SOX5: variants seen among roughly 807,000 people sequenced by gnomAD.
SOX5 encodes transcription factor SOX-5.
A neutral mutation model predicts 92.0 loss-of-function variants in SOX5; 9 were observed. The ratio of observed to expected loss-of-function variants is 0.10; its 90% CI spans 0.06 to 0.17. SOX5 has a LOEUF of 0.17. SOX5 is among the 10% of genes least tolerant of loss of function. SOX5 has a pLI of 1.00. For missense variants in SOX5, 642 were observed against 944.5 expected, an observed-to-expected ratio of 0.68 and a Z score of 4.20; for synonymous variants, 344 against 336.3, an observed-to-expected ratio of 1.02 and a Z score of -0.25.
Position 23,970,841 on chromosome 12 carries a change from A to ATATATATATATATATATATATATTTT in SOX5, c.-1-74818_-1-74817insAAAATATATATATATATATATATATA. Among the ~76,000 whole-genome samples the ATATATATATATATATATATATATTTT allele has an allele frequency of 1.2e-3, 27 of 21,866 alleles. 5 individuals carry two copies. The highest frequency in any genetic ancestry group is 3.0e-3 in the African/African-American group (24 of 8,024). 14.3% of individuals were successfully genotyped at this position (21,866 alleles called of 152,430 possible). On this transcript the variant is annotated intron_variant, in intron 4 of 4. Coordinates refer to the SOX5 transcript ENST00000446891. ...ACATGGGACTTTATATATATATATA[A>ATATATATATATATATATATATATTTT]TTTTTTTTTTTTTTTAAGAAATGGG...
chr12:23,860,969 A>AAACAAAC (rs2096750478), intron 2 of SOX5, among the ~76,000 whole-genome samples: 3 of 150,462 alleles, frequency 2.0e-5, no homozygotes, highest in Admixed American at 6.6e-5. Flanking sequence ...AAAAAAAAAA[A>AAACAAAC]AAAAAAAAAC....
At chr12:23,729,266 A>C (rs899996169) in intron 6 of SOX5, among the ~76,000 whole-genome samples, 4 of 152,198 alleles carry the variant, frequency 2.6e-5, no homozygotes, top group African/African-American at 9.6e-5. Flanking sequence ...AAAGGGAGTA[A>C]ACCATCTTCT....
chr12:23,968,097 A>C (rs984750789), intron 4 of SOX5, among the ~76,000 whole-genome samples: 2 of 152,210 alleles, frequency 1.3e-5, no homozygotes. Context: ...TCAAATAAAT[A>C]GTTGATGCCA....
chr12:24,078,259 GGA>G (rs548176689), intron 4 of SOX5, among the ~76,000 whole-genome samples: 194 of 152,048 alleles, frequency 1.3e-3, no homozygotes, highest in Non-Finnish European at 2.4e-3. Flanking sequence ...ATGGAAGAGG[GGA>G]GAGAGAGAGA....
intron 1 of SOX5, among the ~76,000 whole-genome samples, chr12:24,424,932 C>G (rs184170500): frequency 1.3e-4 from 19 of 151,828 alleles, no homozygotes; most frequent in East Asian, 7.8e-4. Context: ...GTTTACCTGC[C>G]ATAGGCTTTT....
intron 8 of SOX5, among the ~76,000 whole-genome samples, chr12:23,608,121 A>G (rs946401032): frequency 4.8e-5 from 7 of 147,258 alleles, no homozygotes; most frequent in Admixed American, 4.0e-4. Flanking sequence ...AAAAGAAAAA[A>G]AAAAAAAAAA....
intron 3 of SOX5, among the ~76,000 whole-genome samples, chr12:23,792,280 A>C (rs2141983269): frequency 6.6e-6 from 1 of 152,156 alleles, no homozygotes; most frequent in African/African-American, 2.4e-5. Context: ...GAGGAAAAAT[A>C]GTAATGACCC....
intron 4 of SOX5, among the ~76,000 whole-genome samples, chr12:24,131,410 T>C (rs1251055110): frequency 1.3e-5 from 2 of 152,152 alleles, no homozygotes; most frequent in African/African-American, 4.8e-5. Context: ...GCAAGAGATA[T>C]TGAATGCATT....
At chr12:23,627,667 A>G (rs2078008240) in intron 8 of SOX5, among the ~76,000 whole-genome samples, 1 of 152,152 alleles carries the variant, frequency 6.6e-6, no homozygotes, top group South Asian at 2.1e-4. Flanking sequence ...AGACACTGAG[A>G]CTATGAGATA....
chr12:24,178,712 T>C lies in SOX5; in HGVS notation c.-2+34631A>G, dbSNP rs527502452. ...AAAAACCTTTTATAGAAAAGAAAGC[T>C]AAGTTGTCTGGCACCTGCTAAGTGC... On this transcript the variant is annotated intron_variant, in intron 4 of 4. Transcript: ENST00000446891. Among the ~76,000 whole-genome samples the C allele has an allele frequency of 2.0e-5, 3 of 152,340 alleles. No homozygotes were observed. In the South Asian group the frequency reaches 6.2e-4, roughly 32 times the overall value.
chr12:23,838,087 ATATT>A (rs1378688575), intron 3 of SOX5, among the ~76,000 whole-genome samples: 6 of 137,052 alleles, frequency 4.4e-5, no homozygotes, highest in African/African-American at 1.6e-4. Context: ...ATATTTATAT[ATATT>A]TATACTTATA....
At position 24,106,756 on chromosome 12, in the gene SOX5, C is replaced by A. The variant is rs537971316; in HGVS notation, c.-2+106587G>T. ...GCAGTGAGCCGAGATCGTGCCACTG[C>A]ACTCCAGCCTGGGCAACAGAGTGAG... On this transcript the variant is annotated intron_variant, in intron 4 of 4. Transcript: ENST00000446891. Among the ~76,000 whole-genome samples, 7 of 150,324 alleles carry A rather than the reference C, an allele frequency of 4.7e-5. No homozygotes were observed. The East Asian group carries it at 1.4e-3, about 29-fold the overall frequency.
chr12:23,846,456 C>T (rs1485291024), intron 2 of SOX5, among the ~76,000 whole-genome samples: 1 of 152,152 alleles, frequency 6.6e-6, no homozygotes, highest in Non-Finnish European at 1.5e-5. Context: ...AAGATCTATT[C>T]AAAGGAGAAA....
In SOX5 at chr12:23,845,709, T is replaced by A. The variant is rs192951024; in HGVS notation, c.481+274A>T. 2.2e-4 allele frequency among the ~76,000 whole-genome samples: 33 copies of A among 152,256 alleles called. No homozygotes were observed. The East Asian group carries it at 5.4e-3, about 25-fold the overall frequency. On this transcript the variant is annotated intron_variant, in intron 3 of 14. Transcript: ENST00000451604. ...TGACAAGCAGGTGACTATTCCCGGC[T>A]CTGCTGCCACATTCTATTCTTGAAT...
chr12:23,829,308 A>G (rs1405237762), intron 3 of SOX5, among the ~76,000 whole-genome samples: 2 of 152,160 alleles, frequency 1.3e-5, no homozygotes, highest in Non-Finnish European at 2.9e-5. Flanking sequence ...ATGCACGCAC[A>G]GACACACAAA....
chr12:24,161,936 C>T (rs962644830), intron 4 of SOX5, among the ~76,000 whole-genome samples: 1 of 151,838 alleles, frequency 6.6e-6, no homozygotes, highest in African/African-American at 2.4e-5. Flanking sequence ...CCTAAGGATA[C>T]AAAAATATGG....
At chr12:23,790,787 T>C (rs1161020561) in intron 3 of SOX5, among the ~76,000 whole-genome samples, 3 of 152,170 alleles carry the variant, frequency 2.0e-5, no homozygotes, top group African/African-American at 7.2e-5. Flanking sequence ...TAAAAGTTAG[T>C]GTCTAGTTAT....
intron 3 of SOX5, among the ~76,000 whole-genome samples, chr12:23,802,182 T>TC (rs1205055871): frequency 2.0e-5 from 3 of 152,210 alleles, no homozygotes; most frequent in Admixed American, 2.0e-4. Context: ...CATGCCATTC[T>TC]CCTGCCTCAG....
At chr12:24,422,688 T>C (rs1209552450) in intron 1 of SOX5, among the ~76,000 whole-genome samples, 3 of 152,274 alleles carry the variant, frequency 2.0e-5, no homozygotes, top group Middle Eastern at 3.4e-3. Context: ...GCCAACCAAA[T>C]TAGTTGGATT....
Sources: gnomAD v4.1 joint callset for allele counts (sites outside exome capture counted in the v4.1 genomes callset) on GRCh38, gnomAD v4.1.1 for gene constraint, MANE v1.5 for transcripts, NCBI Gene and HGNC (gene_info 2026-07-23, HGNC 2026-07-21) for gene names.